MYBL2: variants seen among roughly 807,000 people sequenced by gnomAD.
MYBL2 encodes the protein MYB proto-oncogene like 2, also known as myb-related protein B.
Under a neutral mutation model 79.9 loss-of-function variants are expected in MYBL2, and 28 were observed. The ratio of observed to expected loss-of-function variants is 0.35; its 90% confidence interval spans 0.26 to 0.48. The LOEUF (loss-of-function observed/expected upper bound fraction) is 0.48, where lower values mean the gene tolerates loss of function less well. Among genes scored for constraint, MYBL2 ranks in the 20% least tolerant of loss-of-function variants. The pLI, the probability that MYBL2 is intolerant of heterozygous loss-of-function variation, is 0.99. For synonymous variants in MYBL2, 378 were observed against 361.2 expected (o/e 1.05, Z -0.53); for missense variants, 735 against 893.9 (o/e 0.82, Z 2.27).
intron 1 of MYBL2, among the ~76,000 whole-genome samples, chr20:43,668,952 T>A (rs1004718816): frequency 6.6e-6 from 1 of 151,984 alleles, no homozygotes; most frequent in African/African-American, 2.4e-5. Context: ...CTGCAGCCTC[T>A]GCCTCCCGGG....
At chr20:43,695,988 A>C (rs1180376036) in intron 6 of MYBL2, among the ~76,000 whole-genome samples, 1 of 152,062 alleles carries the variant, frequency 6.6e-6, no homozygotes, top group Non-Finnish European at 1.5e-5. Context: ...GCTGCACTCC[A>C]GCCTTGGGTG....
At chr20:43,696,655 A>T (rs1429685273) in intron 6 of MYBL2, among the ~76,000 whole-genome samples, 3 of 152,302 alleles carry the variant, frequency 2.0e-5, no homozygotes, top group African/African-American at 7.2e-5. Context: ...ATTGTCAAAC[A>T]TCTGTTACTA....
At chr20:43,705,825 C>T (rs1168633381) in intron 9 of MYBL2, among the ~76,000 whole-genome samples, 4 of 151,864 alleles carry the variant, frequency 2.6e-5, no homozygotes, top group Non-Finnish European at 5.9e-5. Context: ...CTCAGCCTCC[C>T]GAGTAGCTAG....
intron 6 of MYBL2, among the ~76,000 whole-genome samples, chr20:43,696,820 G>C (rs1205223290): frequency 1.3e-5 from 2 of 152,288 alleles, no homozygotes; most frequent in African/African-American, 4.8e-5. Context: ...TCCGCCTCCC[G>C]GGTTGAAGTG....
At chr20:43,715,048 G>C in intron 12 of MYBL2, 86 bp from the exon 13 acceptor site, 1 of 1,500,354 alleles carries the variant, frequency 6.7e-7, no homozygotes, top group Non-Finnish European at 9.2e-7. Context: ...GCCAGGTGGT[G>C]GTGCTGGGGT....
Position 43,682,794 on chromosome 20 carries a change from A to G in MYBL2, c.187A>G (p.Asn63Asp). Residue 63 changes from asparagine to aspartate, a missense_variant and splice_region_variant, in exon 4 of 14, where the codon AAC becomes GAC. Physicochemically the swap from Asn to Asp is conservative, Grantham distance 23. Coordinates refer to ENST00000217026, the MANE Select transcript of MYBL2 (RefSeq NM_002466.4). ...GTTTGTTCTTCTGTTCTTTTCCCAG[A>G]ACCGCACTGACCAGCAATGCCAGTA... ...DWKFLASHFP[N>D]RTDQQCQYRW... 1 of 1,613,866 alleles carries G rather than the reference A, an allele frequency of 6.2e-7. No individual in the cohort carries two copies. The highest frequency in any genetic ancestry group is 8.5e-7 in the Non-Finnish European group (1 of 1,179,802).
intron 7 of MYBL2, among the ~76,000 whole-genome samples, chr20:43,701,217 G>T (rs892557143): frequency 2.0e-5 from 3 of 152,214 alleles, no homozygotes; most frequent in Non-Finnish European, 4.4e-5. Context: ...GGGAGTTACT[G>T]CGTGTGTGGA....
Position 43,681,766 on chromosome 20 carries a change from T to A in MYBL2, c.115-18T>A. The A allele has an allele frequency of 1.2e-6, 2 of 1,614,174 alleles. No homozygotes were observed. Among genetic ancestry groups the A allele is most frequent in the Non-Finnish European group, 1.7e-6 (2 of 1,179,996 alleles). ...TGCACGTATGTGTGCTGAGCCCCTG[T>A]CTTTCTGGTGTTGGCAGGACGAGCA... On this transcript the variant is annotated intron_variant, in intron 2 of 13. Transcript: ENST00000217026.
At chr20:43,678,901 G>C (rs1271890754) in intron 2 of MYBL2, among the ~76,000 whole-genome samples, 1 of 151,722 alleles carries the variant, frequency 6.6e-6, no homozygotes, top group Admixed American at 6.6e-5. Flanking sequence ...GCACAGGCTG[G>C]GGCTGAGAGA....
intron 6 of MYBL2, among the ~76,000 whole-genome samples, chr20:43,697,819 G>T (rs1164888041): frequency 6.6e-6 from 1 of 151,712 alleles, no homozygotes; most frequent in Non-Finnish European, 1.5e-5. Flanking sequence ...GGAGGCTGAG[G>T]CAGGAGAATG....
At chr20:43,711,696 T>G in intron 11 of MYBL2, 95 bp downstream of exon 11, 7 of 1,034,062 alleles carry the variant, frequency 6.8e-6, no homozygotes, top group African/African-American at 1.6e-5. Context: ...AGTGAGGCGC[T>G]GGGGAGAATG....
rs538320137 is a variant in MYBL2 at position 43,703,763 on chromosome 20, G to A, written c.1365+860G>A. On this transcript the variant is annotated intron_variant, in intron 8 of 13. Coordinates refer to ENST00000217026, the MANE Select transcript of MYBL2 (RefSeq NM_002466.4). ...TCATCACGGGTCAGGATGGCTAGTG[G>A]CATTTTGAGAGAGACCCTGTGTCGG... Among the ~76,000 whole-genome samples the A allele has an allele frequency of 3.1e-4, 47 of 152,216 alleles. 1 individual carries two copies. The highest frequency in any genetic ancestry group is 5.9e-4 in the Admixed American group (9 of 15,284).
intron 9 of MYBL2, among the ~76,000 whole-genome samples, chr20:43,706,296 C>T (rs1189423101): frequency 6.6e-6 from 1 of 152,170 alleles, no homozygotes; most frequent in African/African-American, 2.4e-5. Flanking sequence ...CATTCCTGTC[C>T]TCTGAGCTTA....
At position 43,682,808 on chromosome 20, in the gene MYBL2, G is replaced by T. The variant is rs760126727; in HGVS notation, c.201G>T (p.Gln67His). 21 of 1,613,896 alleles carry T rather than the reference G, an allele frequency of 1.3e-5. No individual in the cohort carries two copies. The highest frequency in any genetic ancestry group is 1.6e-4 in the Middle Eastern group (1 of 6,082). The change falls in exon 4 of 14, where the codon CAG becomes CAT. Residue 67 changes from glutamine (Q) to histidine (H), a missense_variant. Gln to His is a conservative substitution (Grantham distance 24). Transcript: ENST00000217026. ...LASHFPNRTD[Q>H]QCQYRWLRVL... Reference sequence around the variant, plus strand: ...TCTTTTCCCAGAACCGCACTGACCAGCAATGCCAGTACAGGTGGCTGAGAG... The same window carrying T: ...TCTTTTCCCAGAACCGCACTGACCATCAATGCCAGTACAGGTGGCTGAGAG...
chr20:43,711,462 G>A (rs1168287162), intron 10 of MYBL2, 26 bp from the exon 11 acceptor site: 4 of 1,583,400 alleles, frequency 2.5e-6, no homozygotes, highest in East Asian at 2.3e-5. Flanking sequence ...GGTGCCTCAC[G>A]TGGGCTGCCC....
intron 2 of MYBL2, among the ~76,000 whole-genome samples, chr20:43,679,106 A>T (rs1987086183): frequency 6.6e-6 from 1 of 152,060 alleles, no homozygotes; most frequent in African/African-American, 2.4e-5. Context: ...GGGAACACAG[A>T]AGGAAGCAGG....
chr20:43,679,692 A>G (rs1465131584), intron 2 of MYBL2, among the ~76,000 whole-genome samples: 1 of 152,014 alleles, frequency 6.6e-6, no homozygotes, highest in Admixed American at 6.6e-5. Context: ...GAGGCAGGAG[A>G]TTGCTTGAGG....
intron 8 of MYBL2, among the ~76,000 whole-genome samples, chr20:43,705,018 G>A (rs1568874523): frequency 1.3e-5 from 2 of 152,154 alleles, no homozygotes; most frequent in Non-Finnish European, 2.9e-5. Flanking sequence ...AGAGGTCTGT[G>A]TGAACCTGCT....
intron 2 of MYBL2, among the ~76,000 whole-genome samples, chr20:43,675,859 G>T (rs1986995339): frequency 6.6e-6 from 1 of 150,862 alleles, no homozygotes; most frequent in Non-Finnish European, 1.5e-5. Flanking sequence ...GTGGGAGTTT[G>T]ATGTACAGGT....
Sources: gnomAD v4.1 joint callset for allele counts (sites outside exome capture counted in the v4.1 genomes callset) on GRCh38, gnomAD v4.1.1 for gene constraint, MANE v1.5 for transcripts, NCBI Gene and HGNC (gene_info 2026-07-23, HGNC 2026-07-21) for gene names.